Variants in DMD observed in about 807,000 individuals in gnomAD.
DMD encodes dystrophin.
DMD carries 63 observed loss-of-function variants against 330.1 expected under a neutral mutation model. The observed-to-expected ratio is 0.19, with a 90% CI of 0.16 to 0.24. The LOEUF is 0.24. Ranked by LOEUF, DMD falls within the 10% of genes least tolerant of loss-of-function variation. The pLI, the probability that DMD is intolerant of heterozygous loss-of-function variation, is 1.00. For synonymous variants in DMD, 1,223 were observed against 959.8 expected (o/e 1.27, Z -5.07); for missense variants, 3,344 against 2,684.1 (o/e 1.25, Z -5.43).
intron 60 of DMD, among the ~76,000 whole-genome samples, chrX:31,441,711 G>A (rs902484941): frequency 6.2e-5 from 7 of 112,235 alleles, no homozygotes; most frequent in African/African-American, 2.3e-4. Context: ...TGGATAATGC[G>A]TTAGCCTCAC....
chrX:32,639,764 C>T (rs1360304864), intron 11 of DMD, among the ~76,000 whole-genome samples: 1 of 111,406 alleles, frequency 9.0e-6, no homozygotes, highest in Non-Finnish European at 1.9e-5. Context: ...TAAATGTTGC[C>T]ATTGTGAAAA....
At position 32,491,521 on chromosome X, in the gene DMD, A is replaced by G. The variant is rs147931243; in HGVS notation, c.2381-3T>C. On this transcript the variant is annotated splice_region_variant and splice_polypyrimidine_tract_variant and intron_variant, in intron 19 of 78. Coordinates refer to ENST00000357033, the MANE Select transcript of DMD (RefSeq NM_004006.3). ...GATGCTATCTGCATTAACACCCTCT[A>G]GAAAGAAAAAAATAATTAAATATAT... 6.9e-4 allele frequency: 834 copies of G among 1,203,022 alleles called. 8 individuals carry two copies. The East Asian group carries it at 0.023, about 34-fold the overall frequency.
intron 2 of DMD, among the ~76,000 whole-genome samples, chrX:32,973,295 G>T (rs1311239060): frequency 8.9e-6 from 1 of 112,085 alleles, no homozygotes; most frequent in African/African-American, 3.2e-5. Flanking sequence ...CATAAAACAT[G>T]CCCTTTATGG....
At chrX:32,390,800 G>A (rs773934520) in intron 30 of DMD, among the ~76,000 whole-genome samples, 23 of 111,355 alleles carry the variant, frequency 2.1e-4, no homozygotes, top group East Asian at 5.7e-4. Flanking sequence ...GATTATAGGC[G>A]TGAGCCACTG....
rs768062337 is a variant in DMD, at chrX:32,262,932, C to G, written c.6290+24597G>C. On this transcript the variant is annotated intron_variant, in intron 43 of 78. Coordinates refer to ENST00000357033, the MANE Select transcript of DMD (RefSeq NM_004006.3). ...GATAAGATCTTCCATTTCACTGCAT[C>G]ATCATTCAACTCCTCTCTCTCCTCA... is the stretch of plus-strand genomic sequence containing the variant. Among the ~76,000 whole-genome samples the G allele has an allele frequency of 1.6e-4, 18 of 111,689 alleles. No homozygotes were observed. In the East Asian group the frequency reaches 4.8e-3, roughly 30 times the overall value.
At chrX:31,578,824 C>G (rs188102380) in intron 55 of DMD, among the ~76,000 whole-genome samples, 19 of 112,225 alleles carry the variant, frequency 1.7e-4, no homozygotes, top group Admixed American at 6.6e-4. Flanking sequence ...AACTTCATTT[C>G]AACCAACAAT....
intron 60 of DMD, among the ~76,000 whole-genome samples, chrX:31,442,847 T>A (rs1167287416): frequency 6.3e-5 from 7 of 111,425 alleles, no homozygotes; most frequent in Non-Finnish European, 1.3e-4. Flanking sequence ...ATATAATCAC[T>A]TAGCTATATC....
At chrX:33,079,239 C>T (rs113516910) in intron 1 of DMD, among the ~76,000 whole-genome samples, 3,789 of 110,938 alleles carry the variant, frequency 0.034, 140 homozygotes, top group African/African-American at 0.12. Flanking sequence ...CTTGAACTCC[C>T]GACCTCAGGT....
At position 32,542,511 on chromosome X, in the gene DMD, G is replaced by C. The variant is rs190353415; in HGVS notation, c.2168+2648C>G. ...GAATAAGGCAGAAGGAATAAAACAA[G>C]TCAGGTAAAGAGTCGTGGGTGACAA... On this transcript the variant is annotated intron_variant, in intron 17 of 78. Transcript: ENST00000357033. Among the ~76,000 whole-genome samples, 9 of 112,135 alleles carry C rather than the reference G, an allele frequency of 8.0e-5. No individual in the cohort carries two copies. In the Admixed American group the frequency reaches 8.5e-4, roughly 11 times the overall value.
rs141221673 is a variant in DMD at position 32,528,575 on chromosome X, A to T, written c.2169-10444T>A. On this transcript the variant is annotated intron_variant, in intron 17 of 78. Transcript: ENST00000357033. ...GCCAGGGCTCTTAAAATTTAACCTG[A>T]AAGACTGGTTCAGGCCAAGAAGGGA... 5.6e-3 allele frequency among the ~76,000 whole-genome samples: 621 copies of T among 111,738 alleles called. 2 individuals are homozygous for T. The highest frequency in any genetic ancestry group is 0.019 in the African/African-American group (587 of 30,698).
At chrX:31,567,476 A>AT (rs1387192264) in intron 55 of DMD, among the ~76,000 whole-genome samples, 1 of 110,851 alleles carries the variant, frequency 9.0e-6, no homozygotes, top group African/African-American at 3.3e-5. Context: ...TAATCATATG[A>AT]TTTTTTCTTC....
At chrX:31,688,124 C>T (rs2082815329) in intron 52 of DMD, among the ~76,000 whole-genome samples, 1 of 110,139 alleles carries the variant, frequency 9.1e-6, no homozygotes, top group African/African-American at 3.3e-5. Flanking sequence ...AACAATGAAG[C>T]ATACCTACAA....
At chrX:31,171,892 T>C (rs926072347) in intron 73 of DMD, among the ~76,000 whole-genome samples, 2 of 112,000 alleles carry the variant, frequency 1.8e-5, no homozygotes, top group Admixed American at 9.5e-5. Flanking sequence ...CTTCTTTGGA[T>C]TTCTGAAGGA....
intron 17 of DMD, among the ~76,000 whole-genome samples, chrX:32,536,283 A>AAAAAAAAC (rs2047971246): frequency 9.7e-6 from 1 of 102,908 alleles, no homozygotes; most frequent in Non-Finnish European, 2.0e-5. Context: ...AAAAAAAAAA[A>AAAAAAAAC]AAAAACACAC....
intron 7 of DMD, among the ~76,000 whole-genome samples, chrX:32,730,740 A>G (rs1353266871): frequency 2.7e-5 from 3 of 112,270 alleles, no homozygotes; most frequent in Non-Finnish European, 5.6e-5. Flanking sequence ...TGAAATTAGT[A>G]TTTTATTAAG....
intron 62 of DMD, among the ~76,000 whole-genome samples, chrX:31,293,163 GGTGTGTGTGTGT>G (rs762778210): frequency 8.5e-5 from 6 of 70,552 alleles, no homozygotes; most frequent in South Asian, 1.1e-3. Flanking sequence ...CCCCCAACCC[GGTGTGTGTGTGT>G]GTGTGTGTGT....
At chrX:32,917,998 A>T (rs1309604840) in intron 2 of DMD, among the ~76,000 whole-genome samples, 1 of 110,101 alleles carries the variant, frequency 9.1e-6, no homozygotes, top group African/African-American at 3.3e-5. Context: ...AAAAAAAAAG[A>T]AAGAAAAGGG....
At chrX:32,503,587 A>G (rs909608694) in intron 18 of DMD, among the ~76,000 whole-genome samples, 40 of 111,098 alleles carry the variant, frequency 3.6e-4, no homozygotes, top group Middle Eastern at 4.6e-3. Context: ...ACAGAGTCTC[A>G]CTCTGTCGCC....
At chrX:33,245,285 TA>T (rs72440225) in intron 1 of DMD, among the ~76,000 whole-genome samples, 60,076 of 99,095 alleles carry the variant, frequency 0.61, 16,195 homozygotes, top group Non-Finnish European at 0.82. Flanking sequence ...CTCTGAAAAG[TA>T]AAAAAAAAAA....
Sources: gnomAD v4.1 joint callset for allele counts (sites outside exome capture counted in the v4.1 genomes callset) on GRCh38, gnomAD v4.1.1 for gene constraint, MANE v1.5 for transcripts, NCBI Gene and HGNC (gene_info 2026-07-23, HGNC 2026-07-21) for gene names.